Variants in TRHDE observed in about 807,000 individuals in gnomAD.
TRHDE encodes thyrotropin releasing hormone degrading enzyme.
Under a neutral mutation model 125.7 loss-of-function variants are expected in TRHDE, and 72 were observed. The ratio of observed to expected loss-of-function variants is 0.57; its 90% CI spans 0.47 to 0.70. TRHDE has a LOEUF of 0.70. Among genes scored for constraint, TRHDE ranks in the 30% least tolerant of loss-of-function variants. The pLI, the probability that TRHDE is intolerant of heterozygous loss-of-function variation, is 0.00. For synonymous variants in TRHDE, 509 were observed against 509.1 expected (o/e 1.00, Z 0.00); for missense variants, 1,110 against 1,327.1 (o/e 0.84, Z 2.54).
At chr12:72,472,829 T>C (rs1261422783) in intron 4 of TRHDE, among the ~76,000 whole-genome samples, 1 of 152,188 alleles carries the variant, frequency 6.6e-6, no homozygotes, top group East Asian at 1.9e-4. Flanking sequence ...AAATATTCTT[T>C]TGTGTTCATT....
chr12:72,660,673 A>C (rs1401186559), intron 18 of TRHDE, among the ~76,000 whole-genome samples: 1 of 152,204 alleles, frequency 6.6e-6, no homozygotes, highest in Non-Finnish European at 1.5e-5. Flanking sequence ...CTAATGATTG[A>C]TAATTGTCCA....
chr12:72,453,127 G>T (rs1003415478), intron 3 of TRHDE, among the ~76,000 whole-genome samples: 1 of 152,120 alleles, frequency 6.6e-6, no homozygotes, highest in Non-Finnish European at 1.5e-5. Context: ...GGAAGATGAA[G>T]GAAAGTATGG....
intron 2 of TRHDE, among the ~76,000 whole-genome samples, chr12:72,303,643 T>A (rs1868294713): frequency 1.3e-5 from 2 of 152,074 alleles, no homozygotes; most frequent in South Asian, 4.1e-4. Flanking sequence ...AGACTAAAAT[T>A]TTTCTTCCCA....
At position 72,663,133 on chromosome 12, in the gene TRHDE, C is replaced by T. The variant is rs745929445; in HGVS notation, c.3148C>T (p.Arg1050Cys). Residue 1050 changes from arginine to cysteine, a missense_variant, in exon 19 of 19, where the codon CGC becomes TGC. Arg to Cys is a radical substitution (Grantham distance 180). Around this residue, in one of 5 missense-constraint regions of TRHDE, gnomAD observed 527 missense variants for 651.8 expected, o/e 0.81. Transcript: ENST00000261180. ...TGTGGAAACTGTCGAAGCCAATGTG[C>T]GCTGGAAAATGCTTTACCAAGACGA... ...RAVETVEANV[R>C]WKMLYQDELF... 9.9e-6 allele frequency: 16 copies of T among 1,612,844 alleles called. No individual in the cohort carries two copies. The highest frequency in any genetic ancestry group is 5.3e-5 in the African/African-American group (4 of 74,850).
intron 1 of TRHDE, among the ~76,000 whole-genome samples, chr12:72,097,288 G>A (rs1036126085): frequency 2.0e-5 from 3 of 152,142 alleles, no homozygotes; most frequent in Admixed American, 1.3e-4. Flanking sequence ...TCTGATAATA[G>A]GAGTCAGGAG....
In TRHDE at chr12:72,662,351, T is replaced by G. The variant is rs73316870; in HGVS notation, c.3067-701T>G. On this transcript the variant is annotated intron_variant, in intron 18 of 18. Transcript: ENST00000261180. ...GAGTATTTCCAGAGTATGTGAACTC[T>G]CCAAATAAAATTTTATGTCAAAAAA... is the stretch of plus-strand genomic sequence containing the variant. Among the ~76,000 whole-genome samples the G allele has an allele frequency of 5.4e-3, 827 of 152,292 alleles. 8 individuals carry two copies. The highest frequency in any genetic ancestry group is 0.019 in the African/African-American group (778 of 41,572).
intron 15 of TRHDE, among the ~76,000 whole-genome samples, chr12:72,641,859 G>A (rs1224836772): frequency 6.6e-6 from 1 of 152,166 alleles, no homozygotes; most frequent in Middle Eastern, 3.4e-3. Flanking sequence ...CAGTTTTTAT[G>A]AATGAACAAT....
At chr12:72,297,590 A>G (rs1161324225) in intron 2 of TRHDE, among the ~76,000 whole-genome samples, 2 of 152,214 alleles carry the variant, frequency 1.3e-5, no homozygotes, top group East Asian at 3.9e-4. Flanking sequence ...AAAAAGTTCA[A>G]GAGTGTCACC....
At chr12:72,206,255 G>C (rs184926821) in intron 2 of TRHDE, among the ~76,000 whole-genome samples, 33 of 151,996 alleles carry the variant, frequency 2.2e-4, no homozygotes, top group African/African-American at 8.0e-4. Flanking sequence ...CAGCCTTCAA[G>C]TACTTTTTTG....
Position 72,374,295 on chromosome 12 carries a change from GTGTGTGT to G in TRHDE, c.1189-3699_1189-3693del, listed in dbSNP as rs1565717984. The stretch of plus-strand genomic sequence containing the variant: ...TGGGAAAGATTTTAGAAGGAGAAGT[GTGTGTGT>G]GTGTGTGTGTGTGTGTGTGTGTGTG... On this transcript the variant is annotated intron_variant, in intron 2 of 18. Transcript: ENST00000261180. Among the ~76,000 whole-genome samples, 483 of 63,296 alleles carry G rather than the reference GTGTGTGT, an allele frequency of 7.6e-3. 1 individual carries two copies. The highest frequency in any genetic ancestry group is 0.023 in the African/African-American group (445 of 19,644). 41.5% of individuals were successfully genotyped at this position (63,296 alleles called of 152,430 possible). A position where few individuals can be genotyped will look rare whatever the true frequency, so the allele number is the denominator to read the frequency against.
intron 2 of TRHDE, among the ~76,000 whole-genome samples, chr12:72,362,346 C>G: frequency 6.7e-6 from 1 of 149,788 alleles, no homozygotes; most frequent in East Asian, 2.0e-4. Context: ...TGTTTTTTGG[C>G]TGCATAAATG....
At chr12:72,105,269 G>T (rs1396084256) in intron 1 of TRHDE, among the ~76,000 whole-genome samples, 3 of 152,152 alleles carry the variant, frequency 2.0e-5, no homozygotes, top group Non-Finnish European at 4.4e-5. Context: ...TGGCTCAAGT[G>T]GTTGGGGAGG....
intron 10 of TRHDE, among the ~76,000 whole-genome samples, chr12:72,568,870 T>C (rs1319474315): frequency 6.6e-6 from 1 of 152,180 alleles, no homozygotes; most frequent in Non-Finnish European, 1.5e-5. Context: ...GTTTCTTTAA[T>C]GGTAAAGAGA....
Position 72,666,280 on chromosome 12 carries a change from G to A in TRHDE, c.*3085G>A, listed in dbSNP as rs935538082. The A allele has an allele frequency of 6.6e-6, 1 of 152,180 alleles. No individual in the cohort carries two copies. Among genetic ancestry groups the A allele is most frequent in the Admixed American group, 6.6e-5 (1 of 15,238 alleles). The allele number at this position is 152,180 out of a possible 1,614,324, so 9.4% of individuals were successfully genotyped here. A position where few individuals can be genotyped will look rare whatever the true frequency, so the allele number is the denominator to read the frequency against. ...ACTACAAAATAGGGCTGGGCACAGT[G>A]GCTCATGCCTGTAATCCCAGCACTT... On this transcript the variant is annotated 3_prime_UTR_variant, in exon 19 of 19. Coordinates refer to ENST00000261180, the MANE Select transcript of TRHDE (RefSeq NM_013381.3).
chr12:72,445,548 G>T (rs1211379682), intron 3 of TRHDE, among the ~76,000 whole-genome samples: 1 of 151,848 alleles, frequency 6.6e-6, no homozygotes. Flanking sequence ...TTGCTTTGCT[G>T]AATTCATGTT....
intron 3 of TRHDE, among the ~76,000 whole-genome samples, chr12:72,404,551 A>G (rs1251129633): frequency 2.0e-5 from 3 of 152,224 alleles, no homozygotes; most frequent in Non-Finnish European, 4.4e-5. Flanking sequence ...AGGCCTCACA[A>G]TCATGGCAGA....
At chr12:72,588,665 C>G (rs1420521321) in intron 12 of TRHDE, among the ~76,000 whole-genome samples, 1 of 152,040 alleles carries the variant, frequency 6.6e-6, no homozygotes, top group Non-Finnish European at 1.5e-5. Context: ...AGTGTGGAAG[C>G]AGGGAGCCTA....
At chr12:72,586,860 A>T (rs1203877482) in intron 12 of TRHDE, among the ~76,000 whole-genome samples, 2 of 152,140 alleles carry the variant, frequency 1.3e-5, no homozygotes, top group African/African-American at 4.8e-5. Context: ...TGTGTTTGAC[A>T]AATTCAAGTA....
intron 12 of TRHDE, among the ~76,000 whole-genome samples, chr12:72,617,701 C>T (rs961194532): frequency 3.9e-5 from 6 of 152,206 alleles, no homozygotes; most frequent in East Asian, 1.9e-4. Flanking sequence ...TAGAAATTTT[C>T]GTTCATGTTT....
Sources: allele counts gnomAD v4.1 joint callset (sites outside exome capture counted in the v4.1 genomes callset), GRCh38; gene constraint gnomAD v4.1.1; regional missense constraint gnomAD v4.1.1; transcripts MANE v1.5; gene names NCBI Gene and HGNC (gene_info 2026-07-23, HGNC 2026-07-21).